The following DEPTOR variants were observed in gnomAD, a reference collection of about 807,000 sequenced individuals.
DEPTOR encodes DEP domain containing MTOR interacting protein, also known as DEP domain-containing mTOR-interacting protein.
A neutral mutation model predicts 41.6 loss-of-function variants in DEPTOR; 41 were observed. That is an observed-to-expected ratio of 0.98 (90% confidence interval 0.77 to 1.28). The LOEUF is 1.28. Among genes scored for constraint, DEPTOR ranks in the 50% most tolerant of loss-of-function variants. The probability of loss-of-function intolerance (pLI) is 0.00; values close to 1 mark genes in which losing one functional copy is unlikely to be tolerated. For missense variants in DEPTOR, 514 were observed against 527.9 expected, an observed-to-expected ratio of 0.97 and a Z score of 0.26; for synonymous variants, 195 against 192.3, an observed-to-expected ratio of 1.01 and a Z score of -0.12.
At chr8:119,991,030 T>TTTTCTTTCTTTTTCTTTCTTTC (rs1812151043) in intron 4 of DEPTOR, among the ~76,000 whole-genome samples, 1 of 53,646 alleles carries the variant, frequency 1.9e-5, no homozygotes, top group South Asian at 5.5e-4. Context: ...TCGGGTTTTC[T>TTTTCTTTCTTTTTCTTTCTTTC]TTTCTTTCTT....
chr8:119,900,120 A>G (rs1211822643), intron 1 of DEPTOR, among the ~76,000 whole-genome samples: 2 of 152,038 alleles, frequency 1.3e-5, no homozygotes, highest in Non-Finnish European at 2.9e-5. Context: ...GAAGTTCAAG[A>G]CCAGCCTGGC....
chr8:119,975,294 T>C (rs562823054), intron 4 of DEPTOR, among the ~76,000 whole-genome samples: 1 of 152,194 alleles, frequency 6.6e-6, no homozygotes, highest in South Asian at 2.1e-4. Context: ...TATTTCAGGG[T>C]GGCATGTCCT....
At chr8:119,989,520 T>C (rs545239226) in intron 4 of DEPTOR, among the ~76,000 whole-genome samples, 1 of 152,272 alleles carries the variant, frequency 6.6e-6, no homozygotes, top group African/African-American at 2.4e-5. Flanking sequence ...TTGGATCTTC[T>C]TGTTAGTGAC....
At chr8:119,919,019 C>T (rs2129814889) in intron 1 of DEPTOR, among the ~76,000 whole-genome samples, 1 of 151,922 alleles carries the variant, frequency 6.6e-6, no homozygotes, top group South Asian at 2.1e-4. Context: ...CCTACAGAAT[C>T]ACCTGTGCTC....
At chr8:119,884,701 T>G (rs1021236729) in intron 1 of DEPTOR, among the ~76,000 whole-genome samples, 2 of 151,424 alleles carry the variant, frequency 1.3e-5, no homozygotes, top group Admixed American at 6.6e-5. Flanking sequence ...ATATAATGAG[T>G]GTAGTAAAGA....
chr8:119,913,141 G>A lies in DEPTOR; in HGVS notation c.123-15259G>A, dbSNP rs146988122. Among the ~76,000 whole-genome samples, 703 of 152,222 alleles carry A rather than the reference G, an allele frequency of 4.6e-3. 5 individuals carry two copies. The highest frequency in any genetic ancestry group is 0.016 in the African/African-American group (666 of 41,548). On this transcript the variant is annotated intron_variant, in intron 1 of 8. Transcript: ENST00000286234. ...TCACCCAGTTGGCCAGGCTGGTCTT[G>A]TACTCCTGACCTCAAGTGATCCGCC...
At chr8:119,939,287 C>T (rs1474900354) in intron 3 of DEPTOR, among the ~76,000 whole-genome samples, 1 of 152,148 alleles carries the variant, frequency 6.6e-6, no homozygotes, top group East Asian at 1.9e-4. Context: ...GCTTGGTCTG[C>T]CGGGGAAGGG....
At position 120,000,137 on chromosome 8, in the gene DEPTOR, C is replaced by G. The variant is rs1470219866; in HGVS notation, c.605-1388C>G. On this transcript the variant is annotated intron_variant, in intron 4 of 8. Coordinates refer to ENST00000286234, the MANE Select transcript of DEPTOR (RefSeq NM_022783.4). The stretch of plus-strand genomic sequence containing the variant: ...ACTCTTTGCCGATTTTTTTTAACAG[C>G]TTTATGAAGATATAGTTCACATACC... Among the ~76,000 whole-genome samples, 3 of 152,142 alleles carry G rather than the reference C, an allele frequency of 2.0e-5. No individual in the cohort carries two copies. In the East Asian group the frequency reaches 5.8e-4, roughly 29 times the overall value.
At chr8:119,957,111 C>T (rs1468841009) in intron 3 of DEPTOR, among the ~76,000 whole-genome samples, 2 of 152,104 alleles carry the variant, frequency 1.3e-5, no homozygotes, top group Non-Finnish European at 2.9e-5. Context: ...CTTTGAACTC[C>T]TGGGCTCAAG....
chr8:119,929,288 C>T (rs4871793), intron 2 of DEPTOR, among the ~76,000 whole-genome samples: 42,777 of 151,886 alleles, frequency 0.28, 6,452 homozygotes, highest in Middle Eastern at 0.39. Context: ...TCGATTCATT[C>T]TTCAGGTCTC....
intron 1 of DEPTOR, among the ~76,000 whole-genome samples, chr8:119,917,021 T>G (rs1325059406): frequency 6.6e-6 from 1 of 152,230 alleles, no homozygotes; most frequent in Non-Finnish European, 1.5e-5. Flanking sequence ...TCTGACAGCC[T>G]TGGCCTCCAA....
At chr8:119,927,752 G>A (rs954115202) in intron 1 of DEPTOR, among the ~76,000 whole-genome samples, 5 of 151,720 alleles carry the variant, frequency 3.3e-5, no homozygotes, top group Admixed American at 2.6e-4. Flanking sequence ...GGGATTACAG[G>A]CACCTGCTAC....
At chr8:120,020,132 G>T (rs757424572) in intron 8 of DEPTOR, among the ~76,000 whole-genome samples, 5 of 152,056 alleles carry the variant, frequency 3.3e-5, no homozygotes, top group Admixed American at 1.3e-4. Context: ...CTGTCACCCA[G>T]GCTGGAGTAC....
At chr8:119,895,100 C>T (rs1827501058) in intron 1 of DEPTOR, among the ~76,000 whole-genome samples, 2 of 152,166 alleles carry the variant, frequency 1.3e-5, no homozygotes, top group South Asian at 4.1e-4. Context: ...GGATAAAGGT[C>T]AAGGTGATTG....
At chr8:119,924,839 G>A (rs1827944073) in intron 1 of DEPTOR, among the ~76,000 whole-genome samples, 1 of 152,150 alleles carries the variant, frequency 6.6e-6, no homozygotes, top group African/African-American at 2.4e-5. Flanking sequence ...TCGCCACCCA[G>A]GTAATGAGCA....
intron 3 of DEPTOR, among the ~76,000 whole-genome samples, chr8:119,945,876 TGAGAGAAGAGG>T (rs1287351810): frequency 6.6e-6 from 1 of 152,186 alleles, no homozygotes; most frequent in African/African-American, 2.4e-5. Flanking sequence ...TGGGGCCTTC[TGAGAGAAGAGG>T]CACGTATTGA....
rs557237485 is a variant in DEPTOR at position 120,041,872 on chromosome 8, G to T, written c.1102-7704G>T. 8.5e-4 allele frequency among the ~76,000 whole-genome samples: 129 copies of T among 152,198 alleles called. 1 individual carries two copies. The highest frequency in any genetic ancestry group is 2.9e-3 in the African/African-American group (119 of 41,532). ...CTTTCCTCCAGTGCCCACTTGCTTG[G>T]AGACATTACTTACCTAGGCTTCATA... On this transcript the variant is annotated intron_variant, in intron 8 of 8. Transcript: ENST00000286234.
chr8:119,953,308 C>T (rs1363830703), intron 3 of DEPTOR, among the ~76,000 whole-genome samples: 2 of 152,122 alleles, frequency 1.3e-5, no homozygotes, highest in East Asian at 1.9e-4. Context: ...GGAGGCTGGG[C>T]GTGGTGGCTC....
At chr8:119,911,505 A>G (rs1651986558) in intron 1 of DEPTOR, among the ~76,000 whole-genome samples, 1 of 151,792 alleles carries the variant, frequency 6.6e-6, no homozygotes, top group South Asian at 2.1e-4. Context: ...TTTAGTAGAG[A>G]CAGAGCTTCA....
Sources: allele counts gnomAD v4.1 joint callset (sites outside exome capture counted in the v4.1 genomes callset), GRCh38; gene constraint gnomAD v4.1.1; transcripts MANE v1.5; gene names NCBI Gene and HGNC (gene_info 2026-07-23, HGNC 2026-07-21).